The following PAPPA2 variants were observed in gnomAD, a reference collection of about 807,000 sequenced individuals.
PAPPA2 encodes the protein pappalysin 2.
In PAPPA2, 86 loss-of-function variants were observed where a neutral mutation model predicts 176.4. The ratio of observed to expected loss-of-function variants is 0.49; its 90% confidence interval spans 0.41 to 0.58. The LOEUF is 0.58. Ranked by LOEUF, PAPPA2 falls within the 20% of genes least tolerant of loss-of-function variation. PAPPA2 has a pLI of 0.00. For synonymous variants in PAPPA2, 809 were observed against 852.2 expected (o/e 0.95, Z 0.88); for missense variants, 2,073 against 2,256.9 (o/e 0.92, Z 1.65).
intron 17 of PAPPA2, among the ~76,000 whole-genome samples, chr1:176,781,667 G>C (rs1159607586): frequency 1.3e-5 from 2 of 152,036 alleles, no homozygotes; most frequent in Non-Finnish European, 2.9e-5. Context: ...GCTAAGTAGA[G>C]AACCGTGTCT....
chr1:176,769,461 T>C lies in PAPPA2; in HGVS notation c.4324-146T>C, dbSNP rs1038100740. The C allele has an allele frequency of 5.3e-5, 40 of 749,280 alleles. No homozygotes were observed. In the South Asian group the frequency reaches 6.8e-4, roughly 13 times the overall value. The allele number at this position is 749,280 out of a possible 1,614,324, so 46.4% of individuals were successfully genotyped here. Reference sequence around the variant, plus strand: ...GTTGTAAGAATGTATATTAAAACAGTGAGGCCTGAAGAGGGAGAAAGGCAA... The same window carrying C: ...GTTGTAAGAATGTATATTAAAACAGCGAGGCCTGAAGAGGGAGAAAGGCAA... On this transcript the variant is annotated intron_variant, in intron 15 of 22. Coordinates refer to ENST00000367662, the MANE Select transcript of PAPPA2 (RefSeq NM_020318.3).
At chr1:176,577,119 G>A (rs945946597) in intron 2 of PAPPA2, among the ~76,000 whole-genome samples, 2 of 152,140 alleles carry the variant, frequency 1.3e-5, no homozygotes, top group African/African-American at 4.8e-5. Context: ...ATAACTGTAA[G>A]AGTAGCTAAT....
At chr1:176,768,022 C>T (rs1013314787) in intron 15 of PAPPA2, among the ~76,000 whole-genome samples, 2 of 152,144 alleles carry the variant, frequency 1.3e-5, no homozygotes, top group South Asian at 4.2e-4. Context: ...GTGACAGGTG[C>T]CTTCAGCGGT....
intron 1 of PAPPA2, among the ~76,000 whole-genome samples, chr1:176,486,982 A>G (rs1341412305): frequency 6.6e-6 from 1 of 152,154 alleles, no homozygotes; most frequent in Non-Finnish European, 1.5e-5. Flanking sequence ...AAATCTGGAA[A>G]AACTGTGAAG....
chr1:176,784,381 A>G (rs1333700609), intron 17 of PAPPA2, among the ~76,000 whole-genome samples: 1 of 152,174 alleles, frequency 6.6e-6, no homozygotes, highest in Non-Finnish European at 1.5e-5. Flanking sequence ...ACTCCTCAAC[A>G]TCACCAAACT....
chr1:176,552,039 T>C (rs1185910662), intron 1 of PAPPA2, among the ~76,000 whole-genome samples: 1 of 152,112 alleles, frequency 6.6e-6, no homozygotes, highest in Non-Finnish European at 1.5e-5. Context: ...CCCTACTGTG[T>C]GTCCTTTGTT....
chr1:176,641,058 T>C (rs1573179344), intron 3 of PAPPA2, among the ~76,000 whole-genome samples: 1 of 150,826 alleles, frequency 6.6e-6, no homozygotes, highest in East Asian at 2.0e-4. Context: ...TCTTGTAAAT[T>C]TGTTTGAGTT....
intron 1 of PAPPA2, among the ~76,000 whole-genome samples, chr1:176,512,323 GT>G (rs1648657909): frequency 6.6e-6 from 1 of 151,536 alleles, no homozygotes; most frequent in Admixed American, 6.6e-5. Flanking sequence ...TGGTACACCA[GT>G]TTGGAAAAAA....
At chr1:176,544,831 G>T (rs1249181559) in intron 1 of PAPPA2, among the ~76,000 whole-genome samples, 2 of 152,108 alleles carry the variant, frequency 1.3e-5, no homozygotes, top group Non-Finnish European at 2.9e-5. Flanking sequence ...GCTTAGAAAA[G>T]ATCACATAAT....
At chr1:176,701,004 G>A (rs1660628381) in intron 8 of PAPPA2, among the ~76,000 whole-genome samples, 1 of 151,334 alleles carries the variant, frequency 6.6e-6, no homozygotes, top group South Asian at 2.1e-4. Context: ...TCTTAAATAA[G>A]GCAGTTAAGA....
At position 176,699,242 on chromosome 1, in the gene PAPPA2, C is replaced by T. The variant is rs758339802; in HGVS notation, c.2889C>T (p.Ala963=). The T allele has an allele frequency of 9.9e-6, 16 of 1,614,008 alleles. No individual in the cohort carries two copies. The highest frequency in any genetic ancestry group is 8.9e-5 in the East Asian group (4 of 44,882). ...LELLFQHPVQ[A]DTLTLWVTSF... is the part of the protein sequence containing the mutation. Reference sequence around the variant, plus strand: ...TGCTCTTCCAACACCCGGTCCAAGCCGACACCCTCACCCTGTGGGTCACTT... The same window carrying T: ...TGCTCTTCCAACACCCGGTCCAAGCTGACACCCTCACCCTGTGGGTCACTT... The change falls in exon 8 of 23, where the codon GCC becomes GCT. Residue 963 remains alanine, a synonymous_variant. Coordinates refer to ENST00000367662, the MANE Select transcript of PAPPA2 (RefSeq NM_020318.3).
intron 21 of PAPPA2, among the ~76,000 whole-genome samples, chr1:176,808,119 T>A (rs56005133): frequency 6.6e-6 from 1 of 151,666 alleles, no homozygotes; most frequent in African/African-American, 2.4e-5. Flanking sequence ...GTAGTTCACA[T>A]TGGCAATGGA....
intron 3 of PAPPA2, among the ~76,000 whole-genome samples, chr1:176,599,694 T>C (rs1654201773): frequency 6.6e-6 from 1 of 151,884 alleles, no homozygotes. Flanking sequence ...TTTTTTTGTG[T>C]GTTATATCCG....
intron 3 of PAPPA2, among the ~76,000 whole-genome samples, chr1:176,623,775 C>CT (rs1655832444): frequency 9.6e-6 from 1 of 103,654 alleles, no homozygotes; most frequent in Non-Finnish European, 2.0e-5. Context: ...TTCTTTCTTT[C>CT]TTTCTTTCTT....
chr1:176,583,235 T>G (rs1474869456), intron 2 of PAPPA2, among the ~76,000 whole-genome samples: 1 of 152,092 alleles, frequency 6.6e-6, no homozygotes, highest in East Asian at 1.9e-4. Context: ...TTTTTCCTTT[T>G]ATTTTCATTT....
chr1:176,777,773 A>C (rs1457275319), intron 17 of PAPPA2, among the ~76,000 whole-genome samples: 1 of 152,026 alleles, frequency 6.6e-6, no homozygotes, highest in East Asian at 1.9e-4. Flanking sequence ...ACTGAGCAAA[A>C]TTTTTGGTCA....
intron 1 of PAPPA2, among the ~76,000 whole-genome samples, chr1:176,540,985 A>G (rs1362913545): frequency 6.6e-6 from 1 of 152,200 alleles, no homozygotes; most frequent in Non-Finnish European, 1.5e-5. Flanking sequence ...ATTTGGGGCT[A>G]AGAACCAGAG....
chr1:176,710,071 C>T lies in PAPPA2; in HGVS notation c.3546C>T (p.Tyr1182=). The T allele has an allele frequency of 2.5e-6, 4 of 1,613,814 alleles. No individual in the cohort carries two copies. The highest frequency in any genetic ancestry group is 3.4e-6 in the Non-Finnish European group (4 of 1,179,748). ...CCAGCATTGTAGACTGTGGCATCTA[C>T]ACTCCCAAAGGATACTTGGATCAAT... ...RKTSIVDCGI[Y]TPKGYLDQWA... The change falls in exon 11 of 23, where the codon TAC becomes TAT. Residue 1182 remains tyrosine, a synonymous_variant. Transcript: ENST00000367662.
intron 1 of PAPPA2, among the ~76,000 whole-genome samples, chr1:176,547,467 G>A (rs1040178673): frequency 1.3e-5 from 2 of 152,146 alleles, no homozygotes; most frequent in Non-Finnish European, 2.9e-5. Context: ...TGTGTGAGGA[G>A]TTTCCTGCCC....
Sources: allele counts gnomAD v4.1 joint callset (sites outside exome capture counted in the v4.1 genomes callset), GRCh38; gene constraint gnomAD v4.1.1; transcripts MANE v1.5; gene names NCBI Gene and HGNC (gene_info 2026-07-23, HGNC 2026-07-21).